Variants in PTH2R observed in about 807,000 individuals in gnomAD.
PTH2R encodes PTH2 receptor.
Under a neutral mutation model 60.3 loss-of-function variants are expected in PTH2R, and 59 were observed. That is an observed-to-expected ratio of 0.98 (90% CI 0.79 to 1.22). The LOEUF (loss-of-function observed/expected upper bound fraction) is 1.22, where lower values mean the gene tolerates loss of function less well. Ranked by LOEUF, PTH2R falls within the 50% of genes most tolerant of loss-of-function variation. The probability of loss-of-function intolerance (pLI) is 0.00; values close to 1 mark genes in which losing one functional copy is unlikely to be tolerated. For synonymous variants in PTH2R, 256 were observed against 243.8 expected (o/e 1.05, Z -0.47); for missense variants, 749 against 682.6 (o/e 1.10, Z -1.08).
intron 9 of PTH2R, among the ~76,000 whole-genome samples, chr2:208,477,116 C>G (rs1703022562): frequency 6.6e-6 from 1 of 152,112 alleles, no homozygotes; most frequent in Non-Finnish European, 1.5e-5. Flanking sequence ...TCTCATTGGA[C>G]AAATCTTGAT....
intron 12 of PTH2R, among the ~76,000 whole-genome samples, chr2:208,491,414 A>G (rs562310998): frequency 6.6e-6 from 1 of 152,324 alleles, no homozygotes; most frequent in South Asian, 2.1e-4. Flanking sequence ...GAGTTAAAGA[A>G]AGAGGAAAGA....
rs1052176464 is a variant in PTH2R at position 208,421,036 on chromosome 2, A to G, written c.76-7165A>G. On this transcript the variant is annotated intron_variant, in intron 1 of 12. Transcript: ENST00000272847. ...TTAACCGTGCTTTGTTTCTAAGTATAATTGGAGCTCTATAAATATCTATAA... is the reference window on the plus strand; with the variant it reads ...TTAACCGTGCTTTGTTTCTAAGTATGATTGGAGCTCTATAAATATCTATAA... 2.0e-5 allele frequency among the ~76,000 whole-genome samples: 3 copies of G among 152,334 alleles called. No homozygotes were observed. In the East Asian group the frequency reaches 5.8e-4, roughly 29 times the overall value.
At chr2:208,423,838 T>C (rs1701803292) in intron 1 of PTH2R, among the ~76,000 whole-genome samples, 1 of 152,216 alleles carries the variant, frequency 6.6e-6, no homozygotes, top group Admixed American at 6.5e-5. Flanking sequence ...TATTATGATA[T>C]AATGTCCCTC....
At chr2:208,421,894 A>G (rs560154382) in intron 1 of PTH2R, among the ~76,000 whole-genome samples, 1 of 152,216 alleles carries the variant, frequency 6.6e-6, no homozygotes, top group Non-Finnish European at 1.5e-5. Flanking sequence ...CTCTCAGACT[A>G]CGGAAAATAG....
chr2:208,489,502 A>G (rs1703355473), intron 11 of PTH2R, among the ~76,000 whole-genome samples: 1 of 152,120 alleles, frequency 6.6e-6, no homozygotes, highest in African/African-American at 2.4e-5. Context: ...GAAGGCAGGA[A>G]AGAGCAAAAA....
At chr2:208,400,902 G>A (rs1701296306) in intron 1 of PTH2R, among the ~76,000 whole-genome samples, 1 of 152,096 alleles carries the variant, frequency 6.6e-6, no homozygotes, top group African/African-American at 2.4e-5. Context: ...AAACATAAAA[G>A]CTCTGTTTGT....
intron 1 of PTH2R, among the ~76,000 whole-genome samples, chr2:208,397,376 C>T (rs773020331): frequency 6.6e-6 from 1 of 152,032 alleles, no homozygotes; most frequent in African/African-American, 2.4e-5. Flanking sequence ...ATACTTACCA[C>T]TCTGATGAAT....
Position 208,391,033 on chromosome 2 carries a change from T to C in PTH2R, c.-259+30796T>C, listed in dbSNP as rs115111221. Among the ~76,000 whole-genome samples, 988 of 152,280 alleles carry C rather than the reference T, an allele frequency of 6.5e-3. 4 individuals carry two copies. The highest frequency in any genetic ancestry group is 0.011 in the Non-Finnish European group (771 of 68,026). ...ATTTGATTCCTATGACTTTTATTCC[T>C]GAGGGAGTTGAAAGAAGAACGGTGT... On this transcript the variant is annotated intron_variant, in intron 1 of 12. Coordinates refer to the PTH2R transcript ENST00000617735.
At chr2:208,424,926 C>T (rs561906370) in intron 1 of PTH2R, among the ~76,000 whole-genome samples, 38 of 152,184 alleles carry the variant, frequency 2.5e-4, no homozygotes, top group Non-Finnish European at 4.0e-4. Context: ...AGGAGCATAA[C>T]GAATTTATTT....
At chr2:208,377,449 C>T (rs1427508603) in intron 1 of PTH2R, among the ~76,000 whole-genome samples, 5 of 126,762 alleles carry the variant, frequency 3.9e-5, no homozygotes, top group Admixed American at 8.5e-5. Flanking sequence ...AAGGGGCGGC[C>T]GGGCAGAGGT....
chr2:208,404,031 A>G (rs1291530707), upstream of PTH2R, among the ~76,000 whole-genome samples: 2 of 152,206 alleles, frequency 1.3e-5, no homozygotes, highest in African/African-American at 4.8e-5. Context: ...GGAAGGAGAC[A>G]TAGGCCCTCA....
intron 7 of PTH2R, among the ~76,000 whole-genome samples, chr2:208,445,257 A>G (rs1479597790): frequency 1.3e-5 from 2 of 152,184 alleles, no homozygotes; most frequent in Non-Finnish European, 2.9e-5. Context: ...CTAAGCTATA[A>G]TGATATATTT....
At chr2:208,422,802 A>G (rs1351817416) in intron 1 of PTH2R, among the ~76,000 whole-genome samples, 1 of 152,192 alleles carries the variant, frequency 6.6e-6, no homozygotes, top group African/African-American at 2.4e-5. Context: ...ACAGTAAAAT[A>G]TCACAACCAA....
intron 10 of PTH2R, among the ~76,000 whole-genome samples, chr2:208,481,951 C>A (rs1703162530): frequency 6.6e-6 from 1 of 152,132 alleles, no homozygotes; most frequent in African/African-American, 2.4e-5. Flanking sequence ...ATCAAACTAT[C>A]TTAAGGTTGT....
chr2:208,412,027 G>A lies in PTH2R; in HGVS notation c.75+4909G>A, dbSNP rs571100452. ...AGAACTCCTGAAGGCTTTTAAATGG[G>A]GTGTGTATGTATGTGAGAATTTTGC... On this transcript the variant is annotated intron_variant, in intron 1 of 12. Transcript: ENST00000272847. 2.0e-5 allele frequency among the ~76,000 whole-genome samples: 3 copies of A among 152,164 alleles called. No homozygotes were observed. In the East Asian group the frequency reaches 5.8e-4, roughly 29 times the overall value.
At chr2:208,460,707 A>G (rs1702616592) in intron 9 of PTH2R, among the ~76,000 whole-genome samples, 1 of 152,288 alleles carries the variant, frequency 6.6e-6, no homozygotes, top group East Asian at 1.9e-4. Context: ...ACTTTAAGGC[A>G]TCAGCTTCTT....
intron 2 of PTH2R, among the ~76,000 whole-genome samples, chr2:208,435,408 A>G (rs1702055258): frequency 6.6e-6 from 1 of 152,174 alleles, no homozygotes; most frequent in South Asian, 2.1e-4. Context: ...CCTTAAAATG[A>G]GGGAGCTTAT....
chr2:208,489,822 G>A (rs907147481), intron 11 of PTH2R, among the ~76,000 whole-genome samples: 1 of 152,130 alleles, frequency 6.6e-6, no homozygotes, highest in African/African-American at 2.4e-5. Flanking sequence ...CCTCCATGTA[G>A]CTCATTAAGT....
chr2:208,422,482 A>G (rs1397565816), intron 1 of PTH2R, among the ~76,000 whole-genome samples: 4 of 152,218 alleles, frequency 2.6e-5, no homozygotes, highest in African/African-American at 9.6e-5. Context: ...TCTTTCCAAG[A>G]GAATATTATA....
Sources: allele counts gnomAD v4.1 joint callset (sites outside exome capture counted in the v4.1 genomes callset), GRCh38; gene constraint gnomAD v4.1.1; transcripts MANE v1.5; gene names NCBI Gene and HGNC (gene_info 2026-07-23, HGNC 2026-07-21).